RPS6KA5: variants seen among roughly 807,000 people sequenced by gnomAD.
The protein encoded by RPS6KA5 is ribosomal protein S6 kinase alpha-5.
A neutral mutation model predicts 85.5 loss-of-function variants in RPS6KA5; 27 were observed. The ratio of observed to expected loss-of-function variants is 0.32; its 90% CI spans 0.23 to 0.44. The LOEUF (loss-of-function observed/expected upper bound fraction) is 0.44, where lower values mean the gene tolerates loss of function less well. RPS6KA5 is among the 20% of genes least tolerant of loss of function. The probability of loss-of-function intolerance (pLI) is 1.00; values close to 1 mark genes in which losing one functional copy is unlikely to be tolerated. For synonymous variants in RPS6KA5, 334 were observed against 348.2 expected (o/e 0.96, Z 0.46); for missense variants, 811 against 980.9 (o/e 0.83, Z 2.31).
intron 1 of RPS6KA5, among the ~76,000 whole-genome samples, chr14:91,020,624 G>GTGTGTA (rs755111858): frequency 0.014 from 2,079 of 146,532 alleles, 51 homozygotes; most frequent in Non-Finnish European, 0.021. Context: ...TTGTGTGTGT[G>GTGTGTA]TGTGTGTGTG....
At chr14:91,003,489 T>C (rs2040872189) in intron 1 of RPS6KA5, among the ~76,000 whole-genome samples, 1 of 152,216 alleles carries the variant, frequency 6.6e-6, no homozygotes, top group African/African-American at 2.4e-5. Flanking sequence ...TCTATTATTT[T>C]GTTTCTGACA....
At position 90,854,355 on chromosome 14, in the gene RPS6KA5, A is replaced by T. The variant is rs2032170605; in HGVS notation, c.*17719T>A. ...GAAAAACTTAACATGAAATCAGCAC[A>T]GAAACTAAGTTTTTAGAAATAGCCT... On this transcript the variant is annotated 3_prime_UTR_variant, in exon 17 of 17. Coordinates refer to ENST00000614987, the MANE Select transcript of RPS6KA5 (RefSeq NM_004755.4). The T allele has an allele frequency of 6.6e-6, 1 of 152,136 alleles. No homozygotes were observed. The highest frequency in any genetic ancestry group is 2.1e-4 in the South Asian group (1 of 4,838). 9.4% of individuals were successfully genotyped at this position (152,136 alleles called of 1,614,324 possible). A position where few individuals can be genotyped will look rare whatever the true frequency, so the allele number is the denominator to read the frequency against.
intron 2 of RPS6KA5, among the ~76,000 whole-genome samples, chr14:90,996,439 A>C (rs543504890): frequency 7.9e-5 from 12 of 152,294 alleles, no homozygotes; most frequent in Non-Finnish European, 1.6e-4. Flanking sequence ...ATTACATTTT[A>C]ATAGTGTCCT....
At chr14:90,946,198 C>A (rs989697096) in intron 4 of RPS6KA5, among the ~76,000 whole-genome samples, 2 of 152,098 alleles carry the variant, frequency 1.3e-5, no homozygotes, top group African/African-American at 2.4e-5. Flanking sequence ...ATCAATAATT[C>A]CATGAAAAGA....
At position 90,900,711 on chromosome 14, in the gene RPS6KA5, A is replaced by G. The variant is rs1186275327; in HGVS notation, c.1145T>C (p.Ile382Thr). 6.2e-7 allele frequency: 1 copy of G among 1,613,032 alleles called. No homozygotes were observed. Among genetic ancestry groups the G allele is most frequent in the Non-Finnish European group, 8.5e-7 (1 of 1,179,640 alleles). Residue 382 changes from isoleucine to threonine, a missense_variant, in exon 10 of 17, where the codon ATC becomes ACC. Physicochemically the swap from Ile to Thr is moderately conservative, Grantham distance 89. This residue lies in a region of RPS6KA5 where 650 missense variants were observed against 793.4 expected (regional missense o/e 0.82). Coordinates refer to ENST00000614987, the MANE Select transcript of RPS6KA5 (RefSeq NM_004755.4). ...FQGYSFVAPS[I>T]LFKRNAAVID... is the part of the protein sequence containing the mutation. Reference sequence around the variant, plus strand: ...GACAGCTGCATTACGCTTGAATAGGATGGAAGGAGCAACAAAGGAATAGCC... The same window carrying G: ...GACAGCTGCATTACGCTTGAATAGGGTGGAAGGAGCAACAAAGGAATAGCC...
At chr14:90,949,600 C>T (rs1045077260) in intron 3 of RPS6KA5, among the ~76,000 whole-genome samples, 3 of 152,170 alleles carry the variant, frequency 2.0e-5, no homozygotes, top group South Asian at 4.1e-4. Flanking sequence ...GGCCAGTCTA[C>T]TATTTAAAAA....
intron 1 of RPS6KA5, among the ~76,000 whole-genome samples, chr14:91,036,264 A>G (rs945850136): frequency 6.6e-6 from 1 of 152,242 alleles, no homozygotes; most frequent in South Asian, 2.1e-4. Context: ...CAAGCTAACT[A>G]AGGCCTACTG....
At chr14:90,987,350 T>C (rs2040098708) in intron 2 of RPS6KA5, among the ~76,000 whole-genome samples, 1 of 150,394 alleles carries the variant, frequency 6.6e-6, no homozygotes, top group Admixed American at 6.6e-5. Context: ...CAAAGTATTT[T>C]TCCCTCTATC....
At chr14:90,953,146 C>T (rs987251901) in intron 3 of RPS6KA5, among the ~76,000 whole-genome samples, 11 of 152,046 alleles carry the variant, frequency 7.2e-5, no homozygotes, top group African/African-American at 2.4e-4. Flanking sequence ...CAGCTGGAGC[C>T]GTGGCAGAGG....
intron 5 of RPS6KA5, among the ~76,000 whole-genome samples, chr14:90,926,746 T>G (rs1466208229): frequency 6.6e-6 from 1 of 151,294 alleles, no homozygotes; most frequent in African/African-American, 2.4e-5. Context: ...AGCAGCTAAG[T>G]TATCAGTTAA....
chr14:90,889,078 G>T (rs8005588), intron 14 of RPS6KA5, among the ~76,000 whole-genome samples: 7 of 151,948 alleles, frequency 4.6e-5, no homozygotes, highest in Non-Finnish European at 1.0e-4. Context: ...CGGATCACCC[G>T]AGGTCAGGAG....
chr14:90,998,265 G>A (rs2040621524), intron 2 of RPS6KA5, among the ~76,000 whole-genome samples: 1 of 152,120 alleles, frequency 6.6e-6, no homozygotes, highest in Admixed American at 6.6e-5. Context: ...CTGAAGTAAG[G>A]AAAATGTTAT....
intron 14 of RPS6KA5, among the ~76,000 whole-genome samples, chr14:90,881,247 T>C (rs1217498531): frequency 6.6e-6 from 1 of 151,398 alleles, no homozygotes; most frequent in African/African-American, 2.4e-5. Flanking sequence ...GTCCAGGAGT[T>C]TGAGACCAGT....
chr14:91,030,125 T>C (rs1041035910), intron 1 of RPS6KA5, among the ~76,000 whole-genome samples: 6 of 152,142 alleles, frequency 3.9e-5, no homozygotes, highest in Non-Finnish European at 5.9e-5. Flanking sequence ...GAAGCACCTG[T>C]AATCACCAAA....
intron 4 of RPS6KA5, 22 bp from the exon 5 acceptor site, chr14:90,943,207 A>C (rs2037676844): frequency 3.0e-6 from 4 of 1,321,780 alleles, no homozygotes; most frequent in Non-Finnish European, 3.2e-6. Flanking sequence ...AAGAAATATA[A>C]ATTTTAAAAT....
chr14:90,910,545 A>G (rs1045980678), intron 7 of RPS6KA5, among the ~76,000 whole-genome samples: 1 of 144,040 alleles, frequency 6.9e-6, no homozygotes, highest in Non-Finnish European at 1.5e-5. Context: ...AAGTAAACCT[A>G]TGAAGCTTTG....
intron 12 of RPS6KA5, 57 bp downstream of exon 12, chr14:90,899,272 A>C: frequency 8.2e-7 from 1 of 1,216,168 alleles, no homozygotes; most frequent in Non-Finnish European, 1.2e-6. Context: ...CGTGAAAAGT[A>C]CAACCCTGTA....
chr14:90,920,334 T>C, intron 6 of RPS6KA5, 25 bp from the exon 7 acceptor site: 1 of 1,383,838 alleles, frequency 7.2e-7, no homozygotes, highest in Non-Finnish European at 1.0e-6. Context: ...TAATTTCATT[T>C]TATAGAATTA....
At chr14:90,976,212 A>G (rs1161779674) in intron 3 of RPS6KA5, among the ~76,000 whole-genome samples, 1 of 151,140 alleles carries the variant, frequency 6.6e-6, no homozygotes, top group African/African-American at 2.4e-5. Flanking sequence ...GAAAAAAAAA[A>G]AAAAAAAAAA....
Sources: gnomAD v4.1 joint callset for allele counts (sites outside exome capture counted in the v4.1 genomes callset) on GRCh38, gnomAD v4.1.1 for gene constraint, gnomAD v4.1.1 regional missense constraint, MANE v1.5 for transcripts, NCBI Gene and HGNC (gene_info 2026-07-23, HGNC 2026-07-21) for gene names.